RGS5: variants seen among roughly 807,000 people sequenced by gnomAD.
RGS5 encodes regulator of G protein signaling 5.
Under a neutral mutation model 18.9 loss-of-function variants are expected in RGS5, and 20 were observed. That is an observed-to-expected ratio of 1.06 (90% CI 0.74 to 1.54). The LOEUF (loss-of-function observed/expected upper bound fraction) is 1.54, where lower values mean the gene tolerates loss of function less well. Among genes scored for constraint, RGS5 ranks in the 40% most tolerant of loss-of-function variants. The probability of loss-of-function intolerance (pLI) is 0.00; values close to 1 mark genes in which losing one functional copy is unlikely to be tolerated. For missense variants in RGS5, 201 were observed against 211.8 expected (o/e 0.95, Z 0.32); for synonymous variants, 57 against 76.2 (o/e 0.75, Z 1.31).
chr1:163,222,073 C>T (rs1225810394), upstream of RGS5, among the ~76,000 whole-genome samples: 2 of 152,052 alleles, frequency 1.3e-5, no homozygotes, highest in African/African-American at 2.4e-5. Flanking sequence ...TATTCAGGAA[C>T]CAGAGAAATA....
chr1:163,201,639 C>T (rs1461088373), intron 1 of RGS5, among the ~76,000 whole-genome samples: 1 of 152,006 alleles, frequency 6.6e-6, no homozygotes, highest in Non-Finnish European at 1.5e-5. Flanking sequence ...GTTTCATATT[C>T]AGTTACTAGA....
chr1:163,317,403 G>C (rs1473874084), intron 1 of RGS5, among the ~76,000 whole-genome samples: 1 of 152,082 alleles, frequency 6.6e-6, no homozygotes, highest in East Asian at 1.9e-4. Flanking sequence ...TCACAATTCA[G>C]TCACCAAGTT....
At chr1:163,240,425 T>TG (rs934548134) in intron 2 of RGS5, among the ~76,000 whole-genome samples, 13 of 148,890 alleles carry the variant, frequency 8.7e-5, no homozygotes, top group African/African-American at 2.5e-4. Flanking sequence ...TAATTCATGG[T>TG]GGGGAAAAAA....
chr1:163,202,304 T>C lies in RGS5; in HGVS notation c.44+488A>G, dbSNP rs533931551. ...GCCAGACATGGTTCTGAGTGCTTCA[T>C]ATATATTAATTCATTCAGTCCTCAT... On this transcript the variant is annotated intron_variant, in intron 1 of 4. Transcript: ENST00000313961. Among the ~76,000 whole-genome samples the C allele has an allele frequency of 3.8e-4, 58 of 152,288 alleles. 2 individuals carry two copies. The South Asian group carries it at 5.8e-3, about 15-fold the overall frequency.
chr1:163,233,184 T>C (rs1647528789), intron 2 of RGS5, among the ~76,000 whole-genome samples: 1 of 152,270 alleles, frequency 6.6e-6, no homozygotes, highest in South Asian at 2.1e-4. Flanking sequence ...ACTTGAGTGA[T>C]ATTTTTTCTT....
At chr1:163,225,603 C>T (rs893828419) in intron 2 of RGS5, among the ~76,000 whole-genome samples, 2 of 152,014 alleles carry the variant, frequency 1.3e-5, no homozygotes, top group South Asian at 2.1e-4. Flanking sequence ...CCCACACACA[C>T]TCACATATCA....
chr1:163,305,389 CT>C (rs1297759048), intron 2 of RGS5: 2 of 152,646 alleles, frequency 1.3e-5, no homozygotes, highest in Non-Finnish European at 2.9e-5. Context: ...CTGCTGCAAT[CT>C]TTTTTTCCGT....
At chr1:163,277,346 G>A (rs550067733) in intron 2 of RGS5, among the ~76,000 whole-genome samples, 41 of 152,288 alleles carry the variant, frequency 2.7e-4, no homozygotes, top group Non-Finnish European at 4.0e-4. Flanking sequence ...TTGGGCACAT[G>A]TCAGGACCTC....
chr1:163,216,177 G>C (rs1350625518), intron 1 of RGS5, among the ~76,000 whole-genome samples: 1 of 152,030 alleles, frequency 6.6e-6, no homozygotes, highest in African/African-American at 2.4e-5. Flanking sequence ...TGTGGGAGTC[G>C]GGAAGGAACC....
At chr1:163,248,668 G>A (rs1245063727) in intron 2 of RGS5, 1 of 152,084 alleles carries the variant, frequency 6.6e-6, no homozygotes, top group Admixed American at 6.6e-5. Flanking sequence ...CTTCTTTTGG[G>A]TGCTAATAAC....
intron 3 of RGS5, 55 bp from the exon 4 acceptor site, chr1:163,152,771 T>C (rs750357488): frequency 2.7e-4 from 400 of 1,487,546 alleles, no homozygotes; most frequent in Non-Finnish European, 3.3e-4. Flanking sequence ...TTAACAAATA[T>C]TGTATCCATG....
intron 2 of RGS5, among the ~76,000 whole-genome samples, chr1:163,291,701 C>T (rs1216850762): frequency 1.3e-5 from 2 of 152,042 alleles, no homozygotes; most frequent in East Asian, 1.9e-4. Context: ...GTGAAAGAGG[C>T]CAGCTTAGAC....
intron 3 of RGS5, among the ~76,000 whole-genome samples, chr1:163,155,812 A>G (rs954744550): frequency 6.6e-6 from 1 of 152,124 alleles, no homozygotes; most frequent in Non-Finnish European, 1.5e-5. Context: ...AGAGCGTCGG[A>G]GTACCTCTCA....
At chr1:163,269,029 C>T (rs1246834273) in intron 2 of RGS5, among the ~76,000 whole-genome samples, 1 of 152,164 alleles carries the variant, frequency 6.6e-6, no homozygotes, top group Non-Finnish European at 1.5e-5. Flanking sequence ...TCCCATGTAG[C>T]ATCATCTCCT....
chr1:163,183,783 G>A (rs762739833), intron 1 of RGS5, among the ~76,000 whole-genome samples: 1 of 152,170 alleles, frequency 6.6e-6, no homozygotes, highest in Non-Finnish European at 1.5e-5. Context: ...GGGAGATCTT[G>A]CTGGGACCTT....
chr1:163,309,407 C>T (rs1649792930), intron 1 of RGS5, among the ~76,000 whole-genome samples: 1 of 152,134 alleles, frequency 6.6e-6, no homozygotes, highest in African/African-American at 2.4e-5. Flanking sequence ...ACTGCTTTAT[C>T]AACAAAGTTT....
At chr1:163,294,871 T>C (rs1649385675) in intron 2 of RGS5, among the ~76,000 whole-genome samples, 1 of 152,164 alleles carries the variant, frequency 6.6e-6, no homozygotes, top group Non-Finnish European at 1.5e-5. Context: ...CCAGATACCC[T>C]AAATCATCTC....
intron 2 of RGS5, chr1:163,244,371 T>C (rs1429642260): frequency 6.6e-6 from 1 of 152,180 alleles, no homozygotes; most frequent in Non-Finnish European, 1.5e-5. Flanking sequence ...TATTAATGCA[T>C]TATGCTACTC....
At chr1:163,247,022 G>C (rs1258345852) in intron 2 of RGS5, among the ~76,000 whole-genome samples, 1 of 152,158 alleles carries the variant, frequency 6.6e-6, no homozygotes, top group Non-Finnish European at 1.5e-5. Context: ...ATAAGCGAGA[G>C]CTAAACATTA....
Sources: allele counts gnomAD v4.1 joint callset (sites outside exome capture counted in the v4.1 genomes callset), GRCh38; gene constraint gnomAD v4.1.1; transcripts MANE v1.5; gene names NCBI Gene and HGNC (gene_info 2026-07-23, HGNC 2026-07-21).